DHRSX: variants seen among roughly 807,000 people sequenced by gnomAD.
DHRSX encodes dehydrogenase/reductase X-linked.
Under a neutral mutation model 34.0 loss-of-function variants are expected in DHRSX, and 31 were observed. That is an observed-to-expected ratio of 0.91 (90% CI 0.69 to 1.23). The LOEUF (loss-of-function observed/expected upper bound fraction) is 1.23. Ranked by LOEUF, DHRSX falls within the 50% of genes most tolerant of loss-of-function variation. DHRSX has a pLI of 0.00. For synonymous variants in DHRSX, 201 were observed against 183.8 expected (o/e 1.09, Z -0.76); for missense variants, 414 against 428.1 (o/e 0.97, Z 0.29).
intron 3 of DHRSX, among the ~76,000 whole-genome samples, chrX:2,388,420 A>G (rs1296806250): frequency 6.6e-6 from 1 of 152,096 alleles, no homozygotes; most frequent in Non-Finnish European, 1.5e-5. Flanking sequence ...CTGGCTCCTT[A>G]TAAGAAGAGG....
At chrX:2,274,051 A>G (rs1055523247) in intron 4 of DHRSX, among the ~76,000 whole-genome samples, 26 of 151,978 alleles carry the variant, frequency 1.7e-4, no homozygotes, top group African/African-American at 6.0e-4. Flanking sequence ...TATTATTATT[A>G]CTTTGAGGTA....
chrX:2,260,758 G>C (rs2041353491), intron 5 of DHRSX, among the ~76,000 whole-genome samples: 1 of 152,018 alleles, frequency 6.6e-6, no homozygotes, highest in Admixed American at 6.6e-5. Context: ...AGTGTGCCCA[G>C]GTATTTTCTA....
rs973222938 is a variant in DHRSX, at chrX:2,335,200, GAA to G, written c.287-43599_287-43598del. On this transcript the variant is annotated intron_variant, in intron 3 of 6. Coordinates refer to ENST00000334651, the MANE Select transcript of DHRSX (RefSeq NM_145177.3). ...ACTCCATCTCAAAAAAAAAAAAAAAGAAAAATTTATTTTGCCACAGTTGAGGA... is the reference window on the plus strand; with the variant it reads ...ACTCCATCTCAAAAAAAAAAAAAAAGAAATTTATTTTGCCACAGTTGAGGA... Among the ~76,000 whole-genome samples the G allele has an allele frequency of 2.2e-3, 313 of 140,780 alleles. 4 individuals carry two copies. Among genetic ancestry groups the G allele is most frequent in the Admixed American group, 0.019 (264 of 13,952 alleles). 92.4% of individuals were successfully genotyped at this position (140,780 alleles called of 152,430 possible). A position where few individuals can be genotyped will look rare whatever the true frequency, so the allele number is the denominator to read the frequency against.
chrX:2,294,899 A>G (rs1468805302), intron 3 of DHRSX, among the ~76,000 whole-genome samples: 1 of 152,162 alleles, frequency 6.6e-6, no homozygotes, highest in African/African-American at 2.4e-5. Flanking sequence ...TGTTAGTTTC[A>G]TATTCCTTAC....
intron 4 of DHRSX, among the ~76,000 whole-genome samples, chrX:2,274,106 C>T (rs1253678144): frequency 3.3e-5 from 5 of 151,576 alleles, no homozygotes; most frequent in African/African-American, 4.9e-5. Context: ...GTTGTGATGT[C>T]GGCTCACTGC....
chrX:2,352,440 G>A (rs1303519406), intron 3 of DHRSX, among the ~76,000 whole-genome samples: 1 of 152,148 alleles, frequency 6.6e-6, no homozygotes, highest in East Asian at 1.9e-4. Flanking sequence ...CAACAGAGGT[G>A]TGAAAATACC....
intron 4 of DHRSX, among the ~76,000 whole-genome samples, chrX:2,271,902 G>A (rs1381888276): frequency 3.3e-5 from 5 of 152,054 alleles, no homozygotes; most frequent in Non-Finnish European, 7.4e-5. Flanking sequence ...TTAGCCGGGC[G>A]TGGTGGTGCA....
At chrX:2,497,117 C>T (rs1415395578) in intron 1 of DHRSX, among the ~76,000 whole-genome samples, 3 of 152,008 alleles carry the variant, frequency 2.0e-5, no homozygotes, top group South Asian at 4.1e-4. Flanking sequence ...AATTGGAGGC[C>T]GGGGGCAGGG....
chrX:2,362,437 A>T (rs1296224921), intron 3 of DHRSX, among the ~76,000 whole-genome samples: 1 of 152,060 alleles, frequency 6.6e-6, no homozygotes, highest in East Asian at 1.9e-4. Context: ...AGTAGCTGGG[A>T]TTACAGGCGC....
chrX:2,224,277 A>ATCG (rs2015585986), intron 6 of DHRSX, among the ~76,000 whole-genome samples: 1 of 152,040 alleles, frequency 6.6e-6, no homozygotes. Flanking sequence ...GTTCTCCTGC[A>ATCG]TCGTCCCTAT....
chrX:2,439,748 G>C (rs891959930), intron 1 of DHRSX, among the ~76,000 whole-genome samples: 2 of 152,080 alleles, frequency 1.3e-5, no homozygotes, highest in African/African-American at 4.8e-5. Context: ...CACATGTTCA[G>C]TTCACAGTAG....
chrX:2,258,985 G>A (rs920722366), intron 5 of DHRSX, among the ~76,000 whole-genome samples: 8 of 152,078 alleles, frequency 5.3e-5, no homozygotes, highest in Non-Finnish European at 1.0e-4. Flanking sequence ...GAAAAAATAG[G>A]GGGAAGTGGC....
intron 4 of DHRSX, among the ~76,000 whole-genome samples, chrX:2,289,122 ATTTT>A (rs752457468): frequency 7.0e-6 from 1 of 142,942 alleles, no homozygotes; most frequent in African/African-American, 2.6e-5. Context: ...GACATTCCTA[ATTTT>A]TTTTTTTTTT....
intron 1 of DHRSX, among the ~76,000 whole-genome samples, chrX:2,484,407 G>C (rs1469052816): frequency 6.6e-6 from 1 of 152,096 alleles, no homozygotes; most frequent in African/African-American, 2.4e-5. Flanking sequence ...AGGACCTCCC[G>C]CATCTGACTG....
intron 3 of DHRSX, among the ~76,000 whole-genome samples, chrX:2,390,401 G>A (rs2043322239): frequency 6.6e-6 from 1 of 150,566 alleles, no homozygotes; most frequent in Non-Finnish European, 1.5e-5. Context: ...GCCTCCCAAA[G>A]TGCTGGGATT....
chrX:2,431,197 C>T (rs1282278864), intron 1 of DHRSX, among the ~76,000 whole-genome samples: 2 of 151,692 alleles, frequency 1.3e-5, no homozygotes, highest in South Asian at 2.1e-4. Context: ...TGGTGGCGGG[C>T]GCCTGTAGTC....
intron 3 of DHRSX, among the ~76,000 whole-genome samples, chrX:2,324,946 GTT>G (rs777086783): frequency 0.2 from 26,868 of 137,750 alleles, 2,707 homozygotes; most frequent in Admixed American, 0.24. Context: ...TTTTTGTTTT[GTT>G]TTTTTTTTTT....
intron 3 of DHRSX, among the ~76,000 whole-genome samples, chrX:2,357,700 TAAAA>T (rs781233833): frequency 0.18 from 22,251 of 125,078 alleles, 1,920 homozygotes; most frequent in Non-Finnish European, 0.23. Flanking sequence ...CTCAGGAAAT[TAAAA>T]AAAAAAAAAA....
At chrX:2,472,302 G>A (rs1569504849) in intron 1 of DHRSX, among the ~76,000 whole-genome samples, 2 of 152,054 alleles carry the variant, frequency 1.3e-5, no homozygotes, top group Non-Finnish European at 2.9e-5. Flanking sequence ...ATATAAAGAA[G>A]GGAACAGCTG....
Sources: gnomAD v4.1 joint callset for allele counts (sites outside exome capture counted in the v4.1 genomes callset) on GRCh38, gnomAD v4.1.1 for gene constraint, MANE v1.5 for transcripts, NCBI Gene and HGNC (gene_info 2026-07-23, HGNC 2026-07-21) for gene names.